Variants in VPS53 observed in about 807,000 individuals in gnomAD.
The protein encoded by VPS53 is VPS53 subunit of GARP complex, also known as vacuolar protein sorting-associated protein 53 homolog.
Under a neutral mutation model 107.0 loss-of-function variants are expected in VPS53, and 70 were observed. The ratio of observed to expected loss-of-function variants is 0.65; its 90% confidence interval spans 0.54 to 0.80. The LOEUF is 0.80. VPS53 is among the 30% of genes least tolerant of loss of function. The pLI, the probability that VPS53 is intolerant of heterozygous loss-of-function variation, is 0.00. For missense variants in VPS53, 917 were observed against 1,049.4 expected, an observed-to-expected ratio of 0.87 and a Z score of 1.74; for synonymous variants, 409 against 393.3, an observed-to-expected ratio of 1.04 and a Z score of -0.47.
In VPS53 at chr17:710,522, ACT is replaced by A; in HGVS notation, c.168+9_168+10del. On this transcript the variant is annotated intron_variant, in intron 2 of 21. Coordinates refer to ENST00000437048, the MANE Select transcript of VPS53 (RefSeq NM_001128159.3). ...GCTGCTGAAAGGAAGGAAACCTGAA[ACT>A]CTACTTACTTGCTCGGTTGGGAACA... 1.2e-6 allele frequency: 2 copies of A among 1,609,264 alleles called. No individual in the cohort carries two copies. Among genetic ancestry groups the A allele is most frequent in the Non-Finnish European group, 1.7e-6 (2 of 1,176,402 alleles).
Position 656,561 on chromosome 17 carries a change from A to G in VPS53, c.373-608T>C, listed in dbSNP as rs554185553. Among the ~76,000 whole-genome samples, 8 of 152,322 alleles carry G rather than the reference A, an allele frequency of 5.3e-5. 1 individual carries two copies. The South Asian group carries it at 1.7e-3, about 32-fold the overall frequency. On this transcript the variant is annotated intron_variant, in intron 5 of 21. Coordinates refer to ENST00000437048, the MANE Select transcript of VPS53 (RefSeq NM_001128159.3). ...GTTGTTTCAGCAGGTCCAAGAGAAG[A>G]GAAGCTGTCTCTGGGAATGCAAGTA...
intron 4 of VPS53, among the ~76,000 whole-genome samples, chr17:669,592 T>TAAAAAAAGAAAAAAAAAAAA (rs1971850263): frequency 9.1e-6 from 1 of 110,234 alleles, no homozygotes; most frequent in African/African-American, 3.3e-5. Flanking sequence ...TACTCTGTCT[T>TAAAAAAAGAAAAAAAAAAAA]AAAAAAAAAA....
In VPS53 at chr17:664,285, G is replaced by A. The variant is rs975631606; in HGVS notation, c.286-2390C>T. Among the ~76,000 whole-genome samples, 17 of 152,116 alleles carry A rather than the reference G, an allele frequency of 1.1e-4. No individual in the cohort carries two copies. In the South Asian group the frequency reaches 3.1e-3, roughly 28 times the overall value. On this transcript the variant is annotated intron_variant, in intron 4 of 21. Coordinates refer to ENST00000437048, the MANE Select transcript of VPS53 (RefSeq NM_001128159.3). ...AGTAGAGACGGGGTTTCACCGTGTT[G>A]GCCAGGATGGTCTCGATCTCCTGAC...
intron 13 of VPS53, among the ~76,000 whole-genome samples, chr17:585,327 T>C (rs553186299): frequency 3.9e-5 from 6 of 152,274 alleles, no homozygotes; most frequent in African/African-American, 1.4e-4. Flanking sequence ...ACAAAATACC[T>C]GGCCAGTACA....
intron 13 of VPS53, among the ~76,000 whole-genome samples, chr17:571,530 A>C (rs1914069067): frequency 1.5e-5 from 2 of 133,590 alleles, no homozygotes; most frequent in Admixed American, 7.2e-5. Context: ...CCCTCTCCCT[A>C]CGGTCTCCCT....
chr17:595,840 G>A (rs1462338806), intron 12 of VPS53, among the ~76,000 whole-genome samples: 2 of 131,936 alleles, frequency 1.5e-5, no homozygotes, highest in Admixed American at 7.2e-5. Context: ...GGAGGAAGCT[G>A]GGAGATGGGA....
At chr17:629,850 GTC>G (rs946396779) in intron 8 of VPS53, among the ~76,000 whole-genome samples, 12 of 142,818 alleles carry the variant, frequency 8.4e-5, no homozygotes, top group African/African-American at 3.1e-4. Context: ...CACACACGAA[GTC>G]ACTATGCCAG....
intron 7 of VPS53, among the ~76,000 whole-genome samples, chr17:641,045 A>G (rs1374300298): frequency 3.3e-5 from 5 of 152,056 alleles, no homozygotes; most frequent in Non-Finnish European, 7.4e-5. Context: ...TAGTAGAGAC[A>G]GGGTTTCACC....
intron 13 of VPS53, among the ~76,000 whole-genome samples, chr17:572,208 T>G (rs1273910234): frequency 6.2e-5 from 8 of 129,862 alleles, no homozygotes; most frequent in African/African-American, 2.4e-4. Flanking sequence ...CCGTCTGGGA[T>G]GTGAGGAGCG....
Position 509,229 on chromosome 17 carries a change from TCACTC to T in VPS53, c.*9894_*9898del, listed in dbSNP as rs1359563514. On this transcript the variant is annotated 3_prime_UTR_variant, in exon 22 of 22. Coordinates refer to ENST00000437048, the MANE Select transcript of VPS53 (RefSeq NM_001128159.3). ...TACTAGTCACATATCAAATCCTGGC[TCACTC>T]GTCACTAGTCACATATCAAATCCTG... is the stretch of plus-strand genomic sequence containing the variant. 6.6e-6 allele frequency: 1 copy of T among 152,198 alleles called. No homozygotes were observed. The highest frequency in any genetic ancestry group is 1.5e-5 in the Non-Finnish European group (1 of 68,840). 9.4% of individuals were successfully genotyped at this position (152,198 alleles called of 1,614,324 possible).
chr17:651,701 G>A (rs919830225), intron 7 of VPS53, among the ~76,000 whole-genome samples: 4 of 152,222 alleles, frequency 2.6e-5, no homozygotes, highest in African/African-American at 7.2e-5. Context: ...AGTCAGAAAC[G>A]TAGCTGCTGC....
chr17:537,291 A>C, intron 17 of VPS53, 115 bp from the exon 18 acceptor site: 1 of 1,228,356 alleles, frequency 8.1e-7, no homozygotes, highest in South Asian at 1.5e-5. Flanking sequence ...TATCCCAGGA[A>C]TCAGGCCCTT....
At chr17:580,568 G>C (rs918585262) in intron 13 of VPS53, among the ~76,000 whole-genome samples, 2 of 147,032 alleles carry the variant, frequency 1.4e-5, no homozygotes, top group Non-Finnish European at 3.0e-5. Flanking sequence ...TGCATTGCCA[G>C]AGAACCTCCC....
In VPS53 at chr17:553,438, C is replaced by T; in HGVS notation, c.1729G>A (p.Val577Met). Reference sequence around the variant, plus strand: ...ATTCGTTCAATCAGACTTACATCCACTTTTTCTTTGAGTTTTTCTTCTAGC... The same window carrying T: ...ATTCGTTCAATCAGACTTACATCCATTTTTTCTTTGAGTTTTTCTTCTAGC... ...QQLEEKLKEKVDVSLIERINL... is the reference protein window; with the variant it reads ...QQLEEKLKEKMDVSLIERINL... The change falls in exon 16 of 22, where the codon GTG becomes ATG. Residue 577 changes from valine (V) to methionine (M), a missense_variant. By Grantham distance (21) the Val-to-Met change is conservative (BLOSUM62 1). Transcript: ENST00000437048. 1 of 1,614,066 alleles carries T rather than the reference C, an allele frequency of 6.2e-7. No individual in the cohort carries two copies. The highest frequency in any genetic ancestry group is 8.5e-7 in the Non-Finnish European group (1 of 1,180,020).
At chr17:662,751 G>GACAAAGAAAGAAAGAA (rs756253727) in intron 4 of VPS53, among the ~76,000 whole-genome samples, 1 of 79,908 alleles carries the variant, frequency 1.3e-5, no homozygotes, top group Admixed American at 1.6e-4. Flanking sequence ...GACAAAGAAA[G>GACAAAGAAAGAAAGAA]AGAAAGAAAG....
At chr17:529,382 A>G (rs55965336) in intron 19 of VPS53, among the ~76,000 whole-genome samples, 19,619 of 132,558 alleles carry the variant, frequency 0.15, 1,374 homozygotes, top group South Asian at 0.28. Flanking sequence ...CAGCATATCA[A>G]TTCACACACA....
chr17:685,830 T>G (rs935756441), intron 4 of VPS53, among the ~76,000 whole-genome samples: 3 of 151,648 alleles, frequency 2.0e-5, no homozygotes, highest in Non-Finnish European at 4.4e-5. Flanking sequence ...GAACACCCCA[T>G]CACTACAAAA....
intron 10 of VPS53, among the ~76,000 whole-genome samples, 178 bp from the exon 11 acceptor site, chr17:623,852 A>G (rs1453123661): frequency 2.6e-5 from 4 of 152,136 alleles, no homozygotes; most frequent in Non-Finnish European, 5.9e-5. Flanking sequence ...ATTCTAAACA[A>G]GATTTTTAAG....
At chr17:565,930 G>A (rs944829137) in intron 13 of VPS53, among the ~76,000 whole-genome samples, 26 of 152,170 alleles carry the variant, frequency 1.7e-4, no homozygotes, top group South Asian at 2.1e-4. Flanking sequence ...CCGGCCGGGC[G>A]CGGTGGCTCA....
Sources: gnomAD v4.1 joint callset for allele counts (sites outside exome capture counted in the v4.1 genomes callset) on GRCh38, gnomAD v4.1.1 for gene constraint, MANE v1.5 for transcripts, NCBI Gene and HGNC (gene_info 2026-07-23, HGNC 2026-07-21) for gene names.